DLEU7: variants seen among roughly 807,000 people sequenced by gnomAD.
DLEU7 encodes the protein leukemia-associated protein 7.
Under a neutral mutation model 16.0 loss-of-function variants are expected in DLEU7, and 17 were observed. That is an observed-to-expected ratio of 1.06 (90% CI 0.73 to 1.59). The LOEUF is 1.59. DLEU7 is among the 40% of genes most tolerant of loss of function. The probability of loss-of-function intolerance (pLI) is 0.00; values close to 1 mark genes in which losing one functional copy is unlikely to be tolerated. For missense variants in DLEU7, 308 were observed against 314.9 expected (o/e 0.98, Z 0.17); for synonymous variants, 113 against 139.8 (o/e 0.81, Z 1.35).
At chr13:50,727,232 TGA>T (rs1491015645) in intron 1 of DLEU7, among the ~76,000 whole-genome samples, 3 of 151,696 alleles carry the variant, frequency 2.0e-5, no homozygotes, top group Admixed American at 6.6e-5. Context: ...TGTGTGTGTG[TGA>T]GTGTGTGTGA....
intron 1 of DLEU7, among the ~76,000 whole-genome samples, chr13:50,723,722 T>C (rs1182524325): frequency 6.6e-6 from 1 of 151,982 alleles, no homozygotes; most frequent in Non-Finnish European, 1.5e-5. Context: ...CGTCTAAGCC[T>C]ATTTATCTCC....
chr13:50,726,485 G>A lies in DLEU7; in HGVS notation c.460-13245C>T, dbSNP rs191504472. 2.3e-4 allele frequency among the ~76,000 whole-genome samples: 35 copies of A among 152,174 alleles called. No individual in the cohort carries two copies. The East Asian group carries it at 6.2e-3, about 27-fold the overall frequency. On this transcript the variant is annotated intron_variant, in intron 1 of 1. Transcript: ENST00000400393. The surrounding 1 kb of genome is among the most constrained non-coding windows in gnomAD (Gnocchi z 4.0). The stretch of plus-strand genomic sequence containing the variant: ...ATGTTTTTTAACTTAAATTTCCCTC[G>A]AAAATACACAAGGGTTTAAATTAAG...
chr13:50,751,789 C>T (rs967089497), intron 1 of DLEU7, among the ~76,000 whole-genome samples: 3 of 152,080 alleles, frequency 2.0e-5, no homozygotes, highest in Non-Finnish European at 2.9e-5. Flanking sequence ...TCTCCCATTT[C>T]GTTTCTTACT....
At chr13:50,722,059 G>C (rs929882854) in intron 1 of DLEU7, among the ~76,000 whole-genome samples, 1 of 152,128 alleles carries the variant, frequency 6.6e-6, no homozygotes, top group Non-Finnish European at 1.5e-5. Context: ...AAGAGCATGG[G>C]GTTGTGTGGA....
downstream of DLEU7, among the ~76,000 whole-genome samples, chr13:50,818,946 T>C (rs184989048): frequency 9.2e-5 from 14 of 152,310 alleles, no homozygotes; most frequent in Admixed American, 8.5e-4. Flanking sequence ...ATATCCCTAA[T>C]GTAATCACAT....
intron 1 of DLEU7, among the ~76,000 whole-genome samples, chr13:50,780,918 C>T (rs564449484): frequency 1.9e-4 from 29 of 152,280 alleles, no homozygotes; most frequent in African/African-American, 6.3e-4. Context: ...GATAGGTTTC[C>T]ATTCCTCCCT....
chr13:50,809,149 CA>C (rs1566258165), intron 1 of DLEU7, among the ~76,000 whole-genome samples: 1 of 152,140 alleles, frequency 6.6e-6, no homozygotes, highest in Non-Finnish European at 1.5e-5. Flanking sequence ...CTTTCCTCAC[CA>C]ACCGGCAGCC....
chr13:50,742,342 C>T (rs1397773667), intron 1 of DLEU7, among the ~76,000 whole-genome samples: 1 of 152,166 alleles, frequency 6.6e-6, no homozygotes, highest in Non-Finnish European at 1.5e-5. Context: ...TATGTGTACT[C>T]TTCAAAATTG....
chr13:50,831,585 C>G (rs1260846383), intron 1 of DLEU7, among the ~76,000 whole-genome samples: 1 of 152,112 alleles, frequency 6.6e-6, no homozygotes, highest in Non-Finnish European at 1.5e-5. Context: ...AGAGTAAAGT[C>G]CCTGAACACT....
chr13:50,807,062 A>C (rs1336317921), intron 1 of DLEU7, among the ~76,000 whole-genome samples: 1 of 150,370 alleles, frequency 6.7e-6, no homozygotes, highest in Non-Finnish European at 1.5e-5. Context: ...CGCAAACTTT[A>C]GTAAAGAAGT....
At chr13:50,841,533 T>A (rs1007807980) in intron 1 of DLEU7, among the ~76,000 whole-genome samples, 6 of 152,104 alleles carry the variant, frequency 3.9e-5, no homozygotes, top group Non-Finnish European at 8.8e-5. Flanking sequence ...TCATATTTCA[T>A]CTATTTTAAA....
chr13:50,829,899 A>G (rs1566266793), intron 1 of DLEU7, among the ~76,000 whole-genome samples: 1 of 152,216 alleles, frequency 6.6e-6, no homozygotes, highest in South Asian at 2.1e-4. Flanking sequence ...GTCACAAGTC[A>G]CAGCATTAAG....
intron 1 of DLEU7, among the ~76,000 whole-genome samples, chr13:50,758,095 G>A (rs944302473): frequency 3.7e-5 from 5 of 133,466 alleles, no homozygotes; most frequent in African/African-American, 1.4e-4. Flanking sequence ...TCAAATTGCT[G>A]GCCTTAAGCA....
At chr13:50,797,638 T>C (rs767337430) in intron 1 of DLEU7, among the ~76,000 whole-genome samples, 1 of 152,214 alleles carries the variant, frequency 6.6e-6, no homozygotes, top group Non-Finnish European at 1.5e-5. Context: ...CAGGAAAGTA[T>C]ATGAAAAGAT....
chr13:50,821,615 C>G (rs962803403), downstream of DLEU7, among the ~76,000 whole-genome samples: 19 of 151,832 alleles, frequency 1.3e-4, no homozygotes, highest in Non-Finnish European at 2.2e-4. Context: ...GTGGGTAAGT[C>G]AGATCTTGAA....
chr13:50,782,841 G>A (rs1875695243), intron 1 of DLEU7, among the ~76,000 whole-genome samples: 1 of 150,992 alleles, frequency 6.6e-6, no homozygotes, highest in African/African-American at 2.4e-5. Flanking sequence ...AACATTTTCT[G>A]TGTCTTCCAT....
chr13:50,783,539 A>G (rs1241769105), intron 1 of DLEU7, among the ~76,000 whole-genome samples: 1 of 152,156 alleles, frequency 6.6e-6, no homozygotes, highest in Non-Finnish European at 1.5e-5. Flanking sequence ...AGCTTAGACC[A>G]GTGGAGCTTC....
chr13:50,809,345 T>TA (rs1469636613), intron 1 of DLEU7, among the ~76,000 whole-genome samples: 2 of 152,138 alleles, frequency 1.3e-5, no homozygotes, highest in Non-Finnish European at 1.5e-5. Context: ...GCAATCACAT[T>TA]AGGGACGTTG....
chr13:50,742,462 G>A (rs1178699733), intron 1 of DLEU7, among the ~76,000 whole-genome samples: 1 of 152,252 alleles, frequency 6.6e-6, no homozygotes, highest in South Asian at 2.1e-4. Context: ...ACTTGCCCAA[G>A]GAGTGTAGAT....
Sources: allele counts gnomAD v4.1 joint callset (sites outside exome capture counted in the v4.1 genomes callset), GRCh38; gene constraint gnomAD v4.1.1; non-coding constraint Gnocchi (gnomAD v3.1); transcripts MANE v1.5; gene names NCBI Gene and HGNC (gene_info 2026-07-23, HGNC 2026-07-21).